FHIP2A: variants seen among roughly 807,000 people sequenced by gnomAD.
The protein encoded by FHIP2A is family with sequence similarity 160 member B1.
A neutral mutation model predicts 93.5 loss-of-function variants in FHIP2A; 46 were observed. That is an observed-to-expected ratio of 0.49 (90% CI 0.39 to 0.63). The LOEUF is 0.63. Ranked by LOEUF, FHIP2A falls within the 20% of genes least tolerant of loss-of-function variation. The pLI, the probability that FHIP2A is intolerant of heterozygous loss-of-function variation, is 0.00. For synonymous variants in FHIP2A, 332 were observed against 326.5 expected (o/e 1.02, Z -0.18); for missense variants, 769 against 909.7 (o/e 0.85, Z 1.99).
intron 16 of FHIP2A, among the ~76,000 whole-genome samples, chr10:114,881,815 C>T (rs1054653313): frequency 2.6e-5 from 4 of 152,190 alleles, no homozygotes; most frequent in African/African-American, 4.8e-5. Flanking sequence ...GCTCTCCCTA[C>T]CCTCAATTTC....
At chr10:114,842,129 C>T (rs765174) in intron 5 of FHIP2A, among the ~76,000 whole-genome samples, 62,197 of 151,848 alleles carry the variant, frequency 0.41, 13,337 homozygotes, top group Non-Finnish European at 0.48. Context: ...ATGATCACAG[C>T]TCACCACAGC....
chr10:114,897,637 G>T (rs76583418), intron 16 of FHIP2A, among the ~76,000 whole-genome samples: 1 of 152,168 alleles, frequency 6.6e-6, no homozygotes, highest in South Asian at 2.1e-4. Flanking sequence ...GGGGCCCAGC[G>T]CATTGGCACA....
chr10:114,847,392 G>C (rs529904707), intron 12 of FHIP2A, among the ~76,000 whole-genome samples, 159 bp downstream of exon 12: 26 of 151,976 alleles, frequency 1.7e-4, no homozygotes, highest in Non-Finnish European at 3.4e-4. Flanking sequence ...GGGTTTAAGC[G>C]ATTCTCCTGC....
intron 16 of FHIP2A, among the ~76,000 whole-genome samples, chr10:114,870,566 G>C (rs2083854739): frequency 6.6e-6 from 1 of 152,096 alleles, no homozygotes; most frequent in South Asian, 2.1e-4. Flanking sequence ...ATAAAACACT[G>C]TAATTGAGTG....
At chr10:114,855,422 A>G (rs963294120) in intron 14 of FHIP2A, 82 bp downstream of exon 14, 39 of 1,176,516 alleles carry the variant, frequency 3.3e-5, no homozygotes, top group Non-Finnish European at 3.9e-5. Flanking sequence ...TAGATCTTCA[A>G]TAAAGTACTT....
intron 16 of FHIP2A, among the ~76,000 whole-genome samples, chr10:114,873,412 A>G (rs1179721230): frequency 2.6e-5 from 4 of 152,220 alleles, no homozygotes; most frequent in African/African-American, 9.7e-5. Flanking sequence ...TGGCTGAAAT[A>G]GTATTTGTCA....
At chr10:114,876,454 C>T (rs2083889770) in intron 16 of FHIP2A, among the ~76,000 whole-genome samples, 1 of 152,268 alleles carries the variant, frequency 6.6e-6, no homozygotes, top group East Asian at 1.9e-4. Flanking sequence ...CCTCAGTTTC[C>T]TTATCTGTAA....
intron 16 of FHIP2A, among the ~76,000 whole-genome samples, chr10:114,877,746 C>G (rs1453445995): frequency 6.6e-6 from 1 of 152,194 alleles, no homozygotes; most frequent in African/African-American, 2.4e-5. Context: ...ACTGGTAGAA[C>G]TGCTTAGCCT....
intron 7 of FHIP2A, 93 bp downstream of exon 7, chr10:114,844,030 GA>G: frequency 9.8e-7 from 1 of 1,018,130 alleles, no homozygotes; most frequent in Non-Finnish European, 1.4e-6. Flanking sequence ...AGAAGTCTTT[GA>G]AAAATTGAAC....
chr10:114,893,401 G>C (rs895942751), intron 16 of FHIP2A, among the ~76,000 whole-genome samples: 3 of 152,172 alleles, frequency 2.0e-5, no homozygotes, highest in Non-Finnish European at 4.4e-5. Context: ...CAACCAATCA[G>C]TGATAGTCTC....
At chr10:114,886,703 C>A (rs2083944918) in intron 16 of FHIP2A, among the ~76,000 whole-genome samples, 1 of 152,090 alleles carries the variant, frequency 6.6e-6, no homozygotes, top group Admixed American at 6.5e-5. Flanking sequence ...CGCCACCACA[C>A]CTGGCTAATT....
intron 5 of FHIP2A, among the ~76,000 whole-genome samples, chr10:114,838,226 T>C (rs1274599439): frequency 6.6e-6 from 1 of 152,322 alleles, no homozygotes; most frequent in South Asian, 2.1e-4. Flanking sequence ...ACCACTCCAA[T>C]AGATGGGTTT....
intron 16 of FHIP2A, among the ~76,000 whole-genome samples, chr10:114,876,001 A>G (rs1269365442): frequency 6.7e-6 from 1 of 148,496 alleles, no homozygotes; most frequent in Admixed American, 6.6e-5. Context: ...AAAGAAAAAG[A>G]AAGAGAAAGA....
At position 114,861,273 on chromosome 10, in the gene FHIP2A, T is replaced by C; in HGVS notation, c.2131T>C (p.Phe711Leu). The change falls in exon 16 of 17, where the codon TTT becomes CTT. Residue 711 changes from phenylalanine to leucine, a missense_variant. By Grantham distance (22) the Phe-to-Leu change is conservative (BLOSUM62 0). Coordinates refer to ENST00000369248, the MANE Select transcript of FHIP2A (RefSeq NM_020940.4). ...LMLRIQRIQD[F>L]TPKLLLVRKR... ...GCTTCGAATCCAGCGTATTCAAGAC[T>C]TTACTCCCAAGCTTCTGTTAGTCAG... is the stretch of plus-strand genomic sequence containing the variant. The C allele has an allele frequency of 6.2e-7, 1 of 1,614,210 alleles. No homozygotes were observed.
chr10:114,843,936 G>T lies in FHIP2A; in HGVS notation c.1012G>T (p.Gly338Cys). The T allele has an allele frequency of 6.4e-7, 1 of 1,556,118 alleles. No individual in the cohort carries two copies. The highest frequency in any genetic ancestry group is 8.6e-7 in the Non-Finnish European group (1 of 1,159,050). ...DIETVEAINW[G>C]LDSYSHKEDA... Reference sequence around the variant, plus strand: ...TGAAACCGTGGAAGCAATTAACTGGGGGTAAGCACCGTTACTTGTATTTTC... The same window carrying T: ...TGAAACCGTGGAAGCAATTAACTGGTGGTAAGCACCGTTACTTGTATTTTC... The change falls in exon 7 of 17, where the codon GGC becomes TGC. Residue 338 changes from glycine (G) to cysteine (C), a missense_variant and splice_region_variant. Transcript: ENST00000369248.
In FHIP2A at chr10:114,850,871, C is replaced by T. The variant is rs534240781; in HGVS notation, c.1803+2134C>T. Among the ~76,000 whole-genome samples the T allele has an allele frequency of 6.9e-4, 105 of 152,166 alleles. 3 individuals are homozygous for T. The South Asian group carries it at 0.021, about 30-fold the overall frequency. ...GCCTTTTCACTTTCTTGATAGTGTC[C>T]TTCAACACACAAAAGTTCTTAATTT... On this transcript the variant is annotated intron_variant, in intron 13 of 16. Transcript: ENST00000369248.
intron 3 of FHIP2A, among the ~76,000 whole-genome samples, chr10:114,834,000 A>G (rs889340995): frequency 6.6e-6 from 1 of 152,192 alleles, no homozygotes; most frequent in Non-Finnish European, 1.5e-5. Flanking sequence ...TTATTCACAC[A>G]CTGTGACCAT....
intron 16 of FHIP2A, among the ~76,000 whole-genome samples, chr10:114,878,350 G>C (rs570397151): frequency 1.3e-5 from 2 of 152,250 alleles, no homozygotes; most frequent in East Asian, 3.9e-4. Context: ...GCTTAAGTTG[G>C]GTGTCCTCAC....
At chr10:114,833,540 G>A (rs1592014760) in intron 3 of FHIP2A, 138 bp downstream of exon 3, 3 of 810,340 alleles carry the variant, frequency 3.7e-6, no homozygotes. Flanking sequence ...GTAGAAAAAA[G>A]AAAATTGTGT....
Sources: allele counts gnomAD v4.1 joint callset (sites outside exome capture counted in the v4.1 genomes callset), GRCh38; gene constraint gnomAD v4.1.1; transcripts MANE v1.5; gene names NCBI Gene and HGNC (gene_info 2026-07-23, HGNC 2026-07-21).